APP: variants seen among roughly 807,000 people sequenced by gnomAD.
APP encodes the protein amyloid beta precursor protein.
In APP, 31 loss-of-function variants were observed where a neutral mutation model predicts 101.4. The observed-to-expected ratio is 0.31, with a 90% CI of 0.23 to 0.41. APP has a LOEUF of 0.41. APP is among the 10% of genes least tolerant of loss of function. APP has a pLI of 1.00. For missense variants in APP, 839 were observed against 1,003.7 expected (o/e 0.84, Z 2.22); for synonymous variants, 366 against 364.4 (o/e 1.00, Z -0.05).
chr21:26,163,208 C>T, intron 1 of APP, among the ~76,000 whole-genome samples: 1 of 138,910 alleles, frequency 7.2e-6, no homozygotes, highest in African/African-American at 2.7e-5. Flanking sequence ...CCACTGCACT[C>T]CAGCCTGGGT....
At chr21:25,895,656 G>GGCAATATAAAATATAGCAAA (rs1157163454) in intron 16 of APP, among the ~76,000 whole-genome samples, 8 of 152,138 alleles carry the variant, frequency 5.3e-5, no homozygotes, top group African/African-American at 1.7e-4. Flanking sequence ...AATCTGGAAA[G>GGCAATATAAAATATAGCAAA]GCAATATAAA....
intron 5 of APP, among the ~76,000 whole-genome samples, chr21:26,027,024 A>G (rs2044609382): frequency 6.6e-6 from 1 of 152,208 alleles, no homozygotes; most frequent in Admixed American, 6.5e-5. Context: ...AATAAAGTCT[A>G]TATTTATTCT....
At chr21:26,035,207 C>T (rs1231691987) in intron 5 of APP, among the ~76,000 whole-genome samples, 5 of 152,094 alleles carry the variant, frequency 3.3e-5, no homozygotes, top group African/African-American at 1.2e-4. Context: ...GTCAAGGCTA[C>T]AGTGAGCCAT....
At chr21:25,911,703 C>A (rs1391727843) in intron 14 of APP, 38 bp downstream of exon 14, 2 of 1,576,582 alleles carry the variant, frequency 1.3e-6, no homozygotes, top group South Asian at 1.1e-5. Flanking sequence ...TGTATATATA[C>A]CTCCCAGAAC....
chr21:25,961,937 G>A (rs553809370), intron 11 of APP, among the ~76,000 whole-genome samples: 8 of 151,746 alleles, frequency 5.3e-5, no homozygotes, highest in South Asian at 4.2e-4. Context: ...CATATAATCC[G>A]GATCACCCTC....
chr21:26,080,766 T>C lies in APP; in HGVS notation c.355+9177A>G, dbSNP rs896886498. Among the ~76,000 whole-genome samples the C allele has an allele frequency of 7.8e-5, 11 of 140,920 alleles. No homozygotes were observed. In the South Asian group the frequency reaches 9.1e-4, roughly 12 times the overall value. The allele number at this position is 140,920 out of a possible 152,430, so 92.4% of individuals were successfully genotyped here. ...GCCTGGGCGACGAAGCTAGACTCTA[T>C]CTCAAAAAAAAAAAAAAAGAAAAAA... On this transcript the variant is annotated intron_variant, in intron 3 of 17. Coordinates refer to ENST00000346798, the MANE Select transcript of APP (RefSeq NM_000484.4).
chr21:25,977,765 G>A (rs901005515), intron 9 of APP, among the ~76,000 whole-genome samples: 1 of 152,204 alleles, frequency 6.6e-6, no homozygotes, highest in Non-Finnish European at 1.5e-5. Context: ...CAATGAACAA[G>A]AATAGAACAT....
rs192848912 is a variant in APP at position 25,928,496 on chromosome 21, T to C, written c.1688-16534A>G. Among the ~76,000 whole-genome samples the C allele has an allele frequency of 6.6e-5, 10 of 152,286 alleles. No homozygotes were observed. The East Asian group carries it at 1.9e-3, about 29-fold the overall frequency. On this transcript the variant is annotated intron_variant, in intron 13 of 17. Coordinates refer to ENST00000346798, the MANE Select transcript of APP (RefSeq NM_000484.4). ...TTGAGGAAACGTACAGTGAAGTATT[T>C]AGGTGTAAAGGGCCATTATGTCTGC...
rs186440982 is a variant in APP at position 25,939,562 on chromosome 21, C to G, written c.1687+15028G>C. On this transcript the variant is annotated intron_variant, in intron 13 of 17. Coordinates refer to ENST00000346798, the MANE Select transcript of APP (RefSeq NM_000484.4). ...AATAAGGGATGAGAAAAAGCAGACA[C>G]TTAGCTTATCAATCAAAATGCTGGC... 2.0e-5 allele frequency among the ~76,000 whole-genome samples: 3 copies of G among 152,304 alleles called. No homozygotes were observed. The South Asian group carries it at 6.2e-4, about 32-fold the overall frequency.
intron 8 of APP, among the ~76,000 whole-genome samples, chr21:25,989,268 T>A (rs187957540): frequency 6.6e-6 from 1 of 152,368 alleles, no homozygotes; most frequent in African/African-American, 2.4e-5. Flanking sequence ...TAAGTTGAAC[T>A]GTACATGCAC....
chr21:25,969,919 GAGAAAA>G (rs2041959277), intron 11 of APP, among the ~76,000 whole-genome samples: 1 of 130,030 alleles, frequency 7.7e-6, no homozygotes, highest in Non-Finnish European at 1.6e-5. Flanking sequence ...GGGAGGGGAA[GAGAAAA>G]GGAAAGGAAA....
chr21:26,139,615 AC>A (rs1415675403), intron 1 of APP, among the ~76,000 whole-genome samples: 2 of 152,198 alleles, frequency 1.3e-5, no homozygotes, highest in Non-Finnish European at 2.9e-5. Context: ...AGAATTTTCA[AC>A]AGGGCTCAGT....
intron 2 of APP, among the ~76,000 whole-genome samples, chr21:26,101,835 T>G (rs2062063876): frequency 6.6e-6 from 1 of 152,148 alleles, no homozygotes; most frequent in African/African-American, 2.4e-5. Flanking sequence ...CATTCTACCT[T>G]TGCAATTTTC....
At chr21:26,105,257 C>A (rs115243229) in intron 2 of APP, among the ~76,000 whole-genome samples, 1 of 151,794 alleles carries the variant, frequency 6.6e-6, no homozygotes. Context: ...TCCAACAAAA[C>A]GGAATCAAAA....
At chr21:26,001,429 T>C (rs979959468) in intron 6 of APP, among the ~76,000 whole-genome samples, 3 of 152,360 alleles carry the variant, frequency 2.0e-5, no homozygotes, top group East Asian at 1.9e-4. Context: ...TTCTTAGTTT[T>C]ACTGACAGAG....
At chr21:26,141,186 G>A (rs892260168) in intron 1 of APP, among the ~76,000 whole-genome samples, 6 of 152,134 alleles carry the variant, frequency 3.9e-5, no homozygotes, top group Non-Finnish European at 7.4e-5. Context: ...AAATACCAAC[G>A]CAAAGAGTCT....
chr21:26,165,123 G>A (rs1453525889), intron 1 of APP, among the ~76,000 whole-genome samples: 7 of 152,088 alleles, frequency 4.6e-5, no homozygotes, highest in Non-Finnish European at 4.4e-5. Context: ...CAAACTCATA[G>A]ACAACAATCT....
At chr21:26,098,370 G>A (rs1224736996) in intron 2 of APP, among the ~76,000 whole-genome samples, 1 of 151,860 alleles carries the variant, frequency 6.6e-6, no homozygotes, top group Non-Finnish European at 1.5e-5. Context: ...CAGACAAGAT[G>A]ACATTTAAGT....
chr21:26,101,638 C>A (rs1014492087), intron 2 of APP, among the ~76,000 whole-genome samples: 2 of 152,078 alleles, frequency 1.3e-5, no homozygotes, highest in African/African-American at 4.8e-5. Context: ...AGGGGATGGA[C>A]AGGATGATCT....
Sources: allele counts gnomAD v4.1 joint callset (sites outside exome capture counted in the v4.1 genomes callset), GRCh38; gene constraint gnomAD v4.1.1; transcripts MANE v1.5; gene names NCBI Gene and HGNC (gene_info 2026-07-23, HGNC 2026-07-21).